RBFOX1: variants seen among roughly 807,000 people sequenced by gnomAD.
RBFOX1 encodes RNA binding fox-1 homolog 1, also known as RNA binding protein fox-1 homolog 1.
A neutral mutation model predicts 57.7 loss-of-function variants in RBFOX1; 8 were observed. The observed-to-expected ratio is 0.14, with a 90% CI of 0.08 to 0.25. The LOEUF (loss-of-function observed/expected upper bound fraction) is 0.25. Ranked by LOEUF, RBFOX1 falls within the 10% of genes least tolerant of loss-of-function variation. The pLI is 1.00. For synonymous variants in RBFOX1, 326 were observed against 222.4 expected (o/e 1.47, Z -4.15); for missense variants, 611 against 548.5 (o/e 1.11, Z -1.14).
At chr16:7,165,963 C>CATACATACGT (rs60902094) in intron 4 of RBFOX1, among the ~76,000 whole-genome samples, 3 of 76,042 alleles carry the variant, frequency 3.9e-5, no homozygotes, top group African/African-American at 1.1e-4. Flanking sequence ...CACACACACA[C>CATACATACGT]ACATACATAC....
chr16:6,115,867 T>G (rs2096491456), intron 1 of RBFOX1, among the ~76,000 whole-genome samples: 1 of 152,134 alleles, frequency 6.6e-6, no homozygotes, highest in South Asian at 2.1e-4. Flanking sequence ...CCCACACAGA[T>G]TTGTTAAGGA....
chr16:7,654,466 A>T (rs1347992748), intron 12 of RBFOX1, among the ~76,000 whole-genome samples: 3 of 152,174 alleles, frequency 2.0e-5, no homozygotes, highest in African/African-American at 4.8e-5. Flanking sequence ...GAATTAATGA[A>T]ATTGGAGTTA....
intron 3 of RBFOX1, among the ~76,000 whole-genome samples, chr16:6,682,713 T>C (rs1004267260): frequency 6.6e-6 from 1 of 152,014 alleles, no homozygotes; most frequent in African/African-American, 2.4e-5. Context: ...TTGCCCCCTG[T>C]TTGACGATCA....
chr16:6,040,552 C>T (rs1161341135), intron 1 of RBFOX1, among the ~76,000 whole-genome samples: 1 of 144,364 alleles, frequency 6.9e-6, no homozygotes, highest in African/African-American at 2.9e-5. Context: ...ATTAATCATT[C>T]TTTCTTTCTT....
At chr16:5,891,792 T>A (rs2058049724) in intron 4 of RBFOX1, among the ~76,000 whole-genome samples, 1 of 152,170 alleles carries the variant, frequency 6.6e-6, no homozygotes, top group Admixed American at 6.5e-5. Flanking sequence ...CTCGGACATC[T>A]GATAGCCAGT....
At chr16:6,197,116 G>A (rs997365440) in intron 1 of RBFOX1, among the ~76,000 whole-genome samples, 1 of 152,148 alleles carries the variant, frequency 6.6e-6, no homozygotes, top group East Asian at 1.9e-4. Context: ...TATATTGGGA[G>A]GTTCTGAAAT....
intron 3 of RBFOX1, among the ~76,000 whole-genome samples, chr16:6,780,477 T>G (rs1408760465): frequency 1.5e-4 from 15 of 102,830 alleles, no homozygotes; most frequent in Non-Finnish European, 2.7e-4. Context: ...TATATACATT[T>G]TTATATATAT....
intron 4 of RBFOX1, among the ~76,000 whole-genome samples, chr16:7,151,677 T>C (rs910909088): frequency 6.6e-5 from 10 of 152,266 alleles, no homozygotes; most frequent in African/African-American, 2.4e-4. Context: ...CATTGTAATA[T>C]ATAATGAAAT....
chr16:5,337,443 C>A (rs1031204415), intron 1 of RBFOX1, among the ~76,000 whole-genome samples: 1 of 152,086 alleles, frequency 6.6e-6, no homozygotes, highest in Non-Finnish European at 1.5e-5. Flanking sequence ...AGTTTATAGA[C>A]CCTCTAAAAT....
intron 3 of RBFOX1, among the ~76,000 whole-genome samples, chr16:6,882,122 G>A (rs2063066077): frequency 6.6e-6 from 1 of 152,110 alleles, no homozygotes; most frequent in Non-Finnish European, 1.5e-5. Context: ...TATTTAGCAG[G>A]AAAGTCAAGG....
intron 3 of RBFOX1, among the ~76,000 whole-genome samples, chr16:6,894,852 T>C (rs1448430023): frequency 6.6e-6 from 1 of 152,230 alleles, no homozygotes; most frequent in Non-Finnish European, 1.5e-5. Flanking sequence ...TTGGGTTTAA[T>C]TCTCTGCCAC....
intron 4 of RBFOX1, among the ~76,000 whole-genome samples, chr16:5,878,620 G>A (rs2057680623): frequency 6.6e-6 from 1 of 152,142 alleles, no homozygotes; most frequent in Non-Finnish European, 1.5e-5. Flanking sequence ...TCGTGACTAT[G>A]CCTGATTCCC....
intron 3 of RBFOX1, among the ~76,000 whole-genome samples, chr16:6,730,437 TATC>T (rs1351414928): frequency 2.5e-3 from 56 of 22,740 alleles, no homozygotes; most frequent in East Asian, 0.25. Context: ...ATATCTAATC[TATC>T]AATTTATCAA....
At chr16:5,884,618 G>T (rs550339232) in intron 4 of RBFOX1, among the ~76,000 whole-genome samples, 1 of 152,044 alleles carries the variant, frequency 6.6e-6, no homozygotes, top group East Asian at 1.9e-4. Flanking sequence ...AGCCTTTCCC[G>T]TGGATTGCTC....
intron 1 of RBFOX1, among the ~76,000 whole-genome samples, chr16:5,446,561 G>C (rs2068245618): frequency 6.6e-6 from 1 of 152,042 alleles, no homozygotes; most frequent in African/African-American, 2.4e-5. Flanking sequence ...TCCTCCTCCT[G>C]TTTTTCTTCT....
chr16:5,517,801 T>A (rs552478520), intron 2 of RBFOX1, among the ~76,000 whole-genome samples: 190 of 152,316 alleles, frequency 1.2e-3, no homozygotes, highest in African/African-American at 4.3e-3. Context: ...TGGTGCTGGA[T>A]ATATGGTGTA....
At chr16:6,069,201 C>G (rs1184372480) in intron 1 of RBFOX1, among the ~76,000 whole-genome samples, 1 of 152,046 alleles carries the variant, frequency 6.6e-6, no homozygotes, top group South Asian at 2.1e-4. Context: ...GAGTTGGAGA[C>G]CAGCCTGACC....
chr16:6,854,185 C>T (rs185639383), intron 3 of RBFOX1, among the ~76,000 whole-genome samples: 46 of 152,178 alleles, frequency 3.0e-4, no homozygotes, highest in African/African-American at 1.1e-3. Flanking sequence ...ATAACGGTTT[C>T]TGGGGTTTAG....
intron 3 of RBFOX1, among the ~76,000 whole-genome samples, chr16:5,796,907 A>C (rs1353012109): frequency 2.6e-5 from 4 of 152,212 alleles, no homozygotes; most frequent in Admixed American, 2.6e-4. Flanking sequence ...CTCATGTGAC[A>C]ATATTTATTG....
Sources: gnomAD v4.1 joint callset for allele counts (sites outside exome capture counted in the v4.1 genomes callset) on GRCh38, gnomAD v4.1.1 for gene constraint, MANE v1.5 for transcripts, NCBI Gene and HGNC (gene_info 2026-07-23, HGNC 2026-07-21) for gene names.